RP2: variants seen among roughly 807,000 people sequenced by gnomAD.
RP2 encodes the protein protein XRP2.
Under a neutral mutation model 20.3 loss-of-function variants are expected in RP2, and 3 were observed. The observed-to-expected ratio is 0.15, with a 90% confidence interval of 0.07 to 0.38. The LOEUF is 0.38. Ranked by LOEUF, RP2 falls within the 10% of genes least tolerant of loss-of-function variation. The pLI, the probability that RP2 is intolerant of heterozygous loss-of-function variation, is 1.00. For missense variants in RP2, 233 were observed against 268.5 expected (o/e 0.87, Z 0.92); for synonymous variants, 75 against 94.8 (o/e 0.79, Z 1.22).
At chrX:46,849,368 G>GT (rs782225348) in intron 1 of RP2, among the ~76,000 whole-genome samples, 43 of 109,035 alleles carry the variant, frequency 3.9e-4, no homozygotes, top group African/African-American at 1.4e-3. Flanking sequence ...GGGTTTTTGT[G>GT]TTTTTTTACC....
At chrX:46,841,368 G>A (rs2147076227) in intron 1 of RP2, among the ~76,000 whole-genome samples, 1 of 112,203 alleles carries the variant, frequency 8.9e-6, no homozygotes, top group African/African-American at 3.2e-5. Flanking sequence ...AAAACTTAAT[G>A]GTTTAAAATA....
intron 3 of RP2, among the ~76,000 whole-genome samples, chrX:46,874,328 T>G (rs1179971956): frequency 8.9e-6 from 1 of 111,968 alleles, no homozygotes; most frequent in Non-Finnish European, 1.9e-5. Flanking sequence ...ACACACACAC[T>G]ATATTTCCTT....
intron 2 of RP2, among the ~76,000 whole-genome samples, chrX:46,856,355 C>A (rs782412961): frequency 9.0e-6 from 1 of 110,654 alleles, no homozygotes; most frequent in African/African-American, 3.3e-5. Flanking sequence ...AAGAATATGA[C>A]CAGGAAGAAT....
At chrX:46,838,413 G>T (rs1924554133) in intron 1 of RP2, among the ~76,000 whole-genome samples, 1 of 112,126 alleles carries the variant, frequency 8.9e-6, no homozygotes, top group Admixed American at 9.5e-5. Flanking sequence ...AAAGTACTAT[G>T]CTTTCTATTT....
intron 3 of RP2, among the ~76,000 whole-genome samples, chrX:46,875,295 C>CT (rs782675753): frequency 0.066 from 5,810 of 88,416 alleles, 438 homozygotes; most frequent in African/African-American, 0.21. Context: ...TATTTTCTTT[C>CT]TTTTTTTTTT....
rs189403125 is a variant in RP2, at chrX:46,841,729, C to G, written c.102+4527C>G. Among the ~76,000 whole-genome samples the G allele has an allele frequency of 5.6e-3, 629 of 112,646 alleles. 6 individuals carry two copies. The highest frequency in any genetic ancestry group is 0.014 in the Middle Eastern group (3 of 216). On this transcript the variant is annotated intron_variant, in intron 1 of 4. Transcript: ENST00000218340. ...GGCAGTCACAAATGCCCACCCAGTT[C>G]CAAGAGGAGGTGACCTCTCAATGGG...
chrX:46,871,987 C>T (rs1193364765), intron 3 of RP2, among the ~76,000 whole-genome samples: 3 of 111,571 alleles, frequency 2.7e-5, no homozygotes, highest in Non-Finnish European at 5.6e-5. Flanking sequence ...GTCACCCAGT[C>T]TGGGGTACAG....
At chrX:46,843,193 G>C (rs982671756) in intron 1 of RP2, among the ~76,000 whole-genome samples, 1 of 109,908 alleles carries the variant, frequency 9.1e-6, no homozygotes, top group Non-Finnish European at 1.9e-5. Flanking sequence ...ATTTTTAGTA[G>C]AGACGGGGTT....
In RP2 at chrX:46,881,574, A is replaced by T. The variant is rs1311100732; in HGVS notation, c.*1805A>T. Reference sequence around the variant, plus strand: ...ACCACAACATCCGCCTCCTGGGTTCAAGCGATTCTCCTGCCTCAGCCTCCT... The same window carrying T: ...ACCACAACATCCGCCTCCTGGGTTCTAGCGATTCTCCTGCCTCAGCCTCCT... On this transcript the variant is annotated 3_prime_UTR_variant, in exon 5 of 5. Transcript: ENST00000218340. The T allele has an allele frequency of 9.1e-6, 1 of 110,325 alleles. No individual in the cohort carries two copies. Among genetic ancestry groups the T allele is most frequent in the Admixed American group, 9.9e-5 (1 of 10,149 alleles). 9.1% of individuals were successfully genotyped at this position (110,325 alleles called of 1,213,427 possible). A position where few individuals can be genotyped will look rare whatever the true frequency, so the allele number is the denominator to read the frequency against.
chrX:46,857,069 T>A (rs1236232445), intron 2 of RP2, among the ~76,000 whole-genome samples: 2 of 111,685 alleles, frequency 1.8e-5, no homozygotes, highest in African/African-American at 6.5e-5. Flanking sequence ...GATTGCTAAC[T>A]CTATATTTGT....
chrX:46,843,893 C>T (rs1924667928), intron 1 of RP2, among the ~76,000 whole-genome samples: 2 of 110,610 alleles, frequency 1.8e-5, no homozygotes, highest in South Asian at 7.6e-4. Flanking sequence ...AGGCTGGTCT[C>T]GAACTCCTGG....
rs781823902 is a variant in RP2, at chrX:46,846,828, A to G, written c.103-6648A>G. The stretch of plus-strand genomic sequence containing the variant: ...AGCCTGGACTGCCTGGGCTCCAGCA[A>G]TCTTCCCACTTCAGCCTCCCAAGTA... On this transcript the variant is annotated intron_variant, in intron 1 of 4. Coordinates refer to ENST00000218340, the MANE Select transcript of RP2 (RefSeq NM_006915.3). Among the ~76,000 whole-genome samples, 7 of 110,457 alleles carry G rather than the reference A, an allele frequency of 6.3e-5. No individual in the cohort carries two copies. The East Asian group carries it at 8.7e-4, about 14-fold the overall frequency.
chrX:46,871,231 A>G (rs1925287042), intron 3 of RP2, among the ~76,000 whole-genome samples: 1 of 108,787 alleles, frequency 9.2e-6, no homozygotes, highest in Non-Finnish European at 1.9e-5. Flanking sequence ...CATGTTGGCC[A>G]GGCTAGTCTC....
chrX:46,846,971 G>A (rs1467256047), intron 1 of RP2, among the ~76,000 whole-genome samples: 7 of 111,577 alleles, frequency 6.3e-5, no homozygotes, highest in Non-Finnish European at 1.3e-4. Flanking sequence ...TCAAGCGATC[G>A]TCCCACCTTG....
chrX:46,879,601 G>A (rs1556328346), intron 4 of RP2, 85 bp from the exon 5 acceptor site: 12 of 543,972 alleles, frequency 2.2e-5, no homozygotes, highest in Non-Finnish European at 1.8e-5. Flanking sequence ...AATTAGCTTG[G>A]AACTTTGTTC....
intron 4 of RP2, among the ~76,000 whole-genome samples, chrX:46,878,070 A>G (rs1240564739): frequency 9.0e-6 from 1 of 111,175 alleles, no homozygotes; most frequent in Non-Finnish European, 1.9e-5. Context: ...AACTTCAGAT[A>G]TACATAGAAA....
chrX:46,865,817 A>C (rs1403628953), intron 3 of RP2, among the ~76,000 whole-genome samples: 1 of 109,702 alleles, frequency 9.1e-6, no homozygotes, highest in Non-Finnish European at 1.9e-5. Flanking sequence ...AGTCCCAGCT[A>C]CTCGGGAGGC....
At chrX:46,878,245 CG>C (rs1925407755) in intron 4 of RP2, among the ~76,000 whole-genome samples, 2 of 108,569 alleles carry the variant, frequency 1.8e-5, no homozygotes, top group South Asian at 8.1e-4. Context: ...GGCGTAGTGG[CG>C]GGCGCCTGTA....
chrX:46,869,687 G>A (rs1242516850), intron 3 of RP2, among the ~76,000 whole-genome samples: 2 of 96,077 alleles, frequency 2.1e-5, no homozygotes, highest in African/African-American at 4.0e-5. Flanking sequence ...TCGGCTCACC[G>A]CAACCCCCGC....
Sources: allele counts gnomAD v4.1 joint callset (sites outside exome capture counted in the v4.1 genomes callset), GRCh38; gene constraint gnomAD v4.1.1; transcripts MANE v1.5; gene names NCBI Gene and HGNC (gene_info 2026-07-23, HGNC 2026-07-21).